The following CCDC154 variants were observed in gnomAD, a reference collection of about 807,000 sequenced individuals.
The protein encoded by CCDC154 is coiled-coil domain containing 154, also known as coiled-coil domain-containing protein 154.
A neutral mutation model predicts 87.5 loss-of-function variants in CCDC154; 91 were observed. The ratio of observed to expected loss-of-function variants is 1.04; its 90% CI spans 0.88 to 1.24. The LOEUF (loss-of-function observed/expected upper bound fraction) is 1.24. CCDC154 is among the 50% of genes most tolerant of loss of function. The pLI is 0.00. For missense variants in CCDC154, 903 were observed against 879.2 expected (o/e 1.03, Z -0.34); for synonymous variants, 418 against 400.4 (o/e 1.04, Z -0.52).
At position 1,434,751 on chromosome 16, in the gene CCDC154, C is replaced by T. The variant is rs747067102; in HGVS notation, c.1794G>A (p.Leu598=). The T allele has an allele frequency of 6.9e-5, 107 of 1,545,682 alleles. 1 individual carries two copies. The South Asian group carries it at 1.2e-3, about 18-fold the overall frequency. The change falls in exon 16 of 17, where the codon CTG becomes CTA. Residue 598 remains leucine, a synonymous_variant. Coordinates refer to ENST00000389176, the MANE Select transcript of CCDC154 (RefSeq NM_001143980.3). ...CCTTGATGAAGACCCGCGGCCTCAC[C>T]AGGGATGGGAGCGCCTTCCAGCTGC... ...PLGSWKALPS[L]VRPRVFIKDM...
In CCDC154 at chr16:1,438,574, AG is replaced by A. The variant is rs764437209; in HGVS notation, c.1025+44del. 16 of 1,508,020 alleles carry A rather than the reference AG, an allele frequency of 1.1e-5. No homozygotes were observed. In the African/African-American group the frequency reaches 1.7e-4, roughly 16 times the overall value. 93.4% of individuals were successfully genotyped at this position (1,508,020 alleles called of 1,614,324 possible). The stretch of plus-strand genomic sequence containing the variant: ...GCGGCCCCCTCCTGAGTGGGACATC[AG>A]GGGTCCCCCCGCCTGACAGCACCTG... On this transcript the variant is annotated intron_variant, in intron 9 of 16. Coordinates refer to ENST00000389176, the MANE Select transcript of CCDC154 (RefSeq NM_001143980.3).
intron 14 of CCDC154, 35 bp downstream of exon 14, chr16:1,435,934 C>T: frequency 6.6e-7 from 1 of 1,517,546 alleles, no homozygotes; most frequent in South Asian, 1.2e-5. Flanking sequence ...GGCTCCCCCT[C>T]TCTCCCAGCT....
At position 1,434,823 on chromosome 16, in the gene CCDC154, C is replaced by G; in HGVS notation, c.1722G>C (p.Glu574Asp). The change falls in exon 16 of 17, where the codon GAG becomes GAC. Residue 574 changes from glutamate to aspartate, a missense_variant. Physicochemically the swap from Glu to Asp is conservative, Grantham distance 45. Transcript: ENST00000389176. ...LRTQEMATLW[E>D]SVLRLWSEEG... The stretch of plus-strand genomic sequence containing the variant: ...CCTCACTCCACAGCCGGAGCACACT[C>G]TCCCACAGGGTGGCCATCTCCTGCG... The G allele has an allele frequency of 6.5e-7, 1 of 1,529,732 alleles. No homozygotes were observed. Among genetic ancestry groups the G allele is most frequent in the Non-Finnish European group, 8.8e-7 (1 of 1,141,316 alleles). 94.8% of individuals were successfully genotyped at this position (1,529,732 alleles called of 1,614,324 possible).
intron 6 of CCDC154, among the ~76,000 whole-genome samples, chr16:1,440,510 G>A (rs933070170): frequency 1.3e-5 from 2 of 151,336 alleles, no homozygotes; most frequent in Admixed American, 6.6e-5. Context: ...GAAGAGAAGA[G>A]AAGAGAAGAG....
At position 1,443,993 on chromosome 16, in the gene CCDC154, G is replaced by C; in HGVS notation, c.27C>G (p.Pro9=). The C allele has an allele frequency of 2.3e-6, 3 of 1,300,994 alleles. No individual in the cohort carries two copies. Among genetic ancestry groups the C allele is most frequent in the Non-Finnish European group, 3.0e-6 (3 of 988,922 alleles). The allele number at this position is 1,300,994 out of a possible 1,614,324, so 80.6% of individuals were successfully genotyped here. The change falls in exon 2 of 17, where the codon CCC becomes CCG. Residue 9 remains proline (P), a synonymous_variant. Coordinates refer to ENST00000389176, the MANE Select transcript of CCDC154 (RefSeq NM_001143980.3). The stretch of plus-strand genomic sequence containing the variant: ...GCTGGGAAGGGGCCGATGCCCCTGA[G>C]GGTCCACTGTCAGCCAACTCTACAA... The part of the protein sequence containing the change: MSELADSG[P]SGASAPSQLR...
chr16:1,442,242 T>C (rs1460937151), intron 6 of CCDC154, among the ~76,000 whole-genome samples, 164 bp downstream of exon 6: 6 of 152,248 alleles, frequency 3.9e-5, no homozygotes, highest in Non-Finnish European at 8.8e-5. Context: ...ATGGGGCATG[T>C]GCGGCTGAGG....
In CCDC154 at chr16:1,443,508, C is replaced by T. The variant is rs1213511156; in HGVS notation, c.412G>A (p.Glu138Lys). Residue 138 changes from glutamate (E) to lysine (K), a missense_variant and splice_region_variant, in exon 3 of 17, where the codon GAG becomes AAG. By Grantham distance (56) the Glu-to-Lys change is moderately conservative (BLOSUM62 1). Transcript: ENST00000389176. ...CTGTGGGTGGGGGAGCCGCTCACCT[C>T]CGGCGCCTCCTTTTCGGGGGCCTGG... The part of the protein sequence containing the change: ...AAQAPEKEAP[E>K]FSGLQNQMQA... 6.8e-7 allele frequency: 1 copy of T among 1,469,768 alleles called. No homozygotes were observed. The highest frequency in any genetic ancestry group is 2.5e-5 in the East Asian group (1 of 39,712). 91.0% of individuals were successfully genotyped at this position (1,469,768 alleles called of 1,614,324 possible). A position where few individuals can be genotyped will look rare whatever the true frequency, so the allele number is the denominator to read the frequency against.
chr16:1,442,868 G>A lies in CCDC154; in HGVS notation c.551+12C>T. On this transcript the variant is annotated intron_variant, in intron 5 of 16. Transcript: ENST00000389176. ...CAAGCTCCGGAGCCAGCCACGGGCGGTGGGCGCCCACCTGAGGCCGGCCTC... is the reference window on the plus strand; with the variant it reads ...CAAGCTCCGGAGCCAGCCACGGGCGATGGGCGCCCACCTGAGGCCGGCCTC... 1 of 1,547,260 alleles carries A rather than the reference G, an allele frequency of 6.5e-7. No homozygotes were observed. The highest frequency in any genetic ancestry group is 8.7e-7 in the Non-Finnish European group (1 of 1,145,738).
At position 1,434,491 on chromosome 16, in the gene CCDC154, G is replaced by C. The variant is rs983130362; in HGVS notation, c.1921C>G (p.Arg641Gly). The C allele has an allele frequency of 3.2e-6, 5 of 1,549,564 alleles. No individual in the cohort carries two copies. In the East Asian group the frequency reaches 9.8e-5, roughly 30 times the overall value. ...KASLIKLRAL[R>G]RPGGVLEKPH... The stretch of plus-strand genomic sequence containing the variant: ...TTCTCCAGGACCCCTCCTGGCCTCC[G>C]CAGGGCCCTGAGCTTTATGAGGGAC... Residue 641 changes from arginine (R) to glycine (G), a missense_variant, in exon 17 of 17, where the codon CGG becomes GGG. Arg to Gly is a moderately radical substitution (Grantham distance 125). Transcript: ENST00000389176.
Position 1,436,717 on chromosome 16 carries a change from T to C in CCDC154, c.1385A>G (p.Glu462Gly), listed in dbSNP as rs2142351291. 6.5e-7 allele frequency: 1 copy of C among 1,550,300 alleles called. No individual in the cohort carries two copies. Among genetic ancestry groups the C allele is most frequent in the Non-Finnish European group, 8.7e-7 (1 of 1,146,938 alleles). ...EVTEHLRGVREKVDGLPQQIE... is the reference protein window; with the variant it reads ...EVTEHLRGVRGKVDGLPQQIE... ...CTGCTGGGGGAGGCCATCCACCTTC[T>C]CCCGCACCCCTCGCAGGTGTTCGGT... Residue 462 changes from glutamate (E) to glycine (G), a missense_variant, in exon 12 of 17, where the codon GAG (glutamate) becomes GGG (glycine). Glu to Gly is a moderately conservative substitution (Grantham distance 98). Coordinates refer to ENST00000389176, the MANE Select transcript of CCDC154 (RefSeq NM_001143980.3).
At position 1,439,141 on chromosome 16, in the gene CCDC154, C is replaced by T; in HGVS notation, c.676-15G>A. 2 of 1,548,606 alleles carry T rather than the reference C, an allele frequency of 1.3e-6. No homozygotes were observed. The highest frequency in any genetic ancestry group is 1.7e-6 in the Non-Finnish European group (2 of 1,145,826). On this transcript the variant is annotated splice_polypyrimidine_tract_variant and intron_variant, in intron 6 of 16. Transcript: ENST00000389176. The stretch of plus-strand genomic sequence containing the variant: ...GTCACCTGGGCCTGGGGCGGAGGCA[C>T]ATTGTCCCGTGTGCAGCCTCTGCTG...
intron 11 of CCDC154, chr16:1,437,086 C>T (rs2038508775): frequency 4.1e-6 from 2 of 483,998 alleles, no homozygotes; most frequent in Non-Finnish European, 7.4e-6. Context: ...CGGTGGGACC[C>T]AGCCCCGAAA....
At chr16:1,440,702 G>A (rs976193405) in intron 6 of CCDC154, among the ~76,000 whole-genome samples, 2 of 150,920 alleles carry the variant, frequency 1.3e-5, no homozygotes, top group African/African-American at 2.4e-5. Context: ...TGTAATCCCA[G>A]CACTTTGGGA....
chr16:1,436,563 A>G lies in CCDC154; in HGVS notation c.1411-42T>C, dbSNP rs774936760. On this transcript the variant is annotated intron_variant, in intron 12 of 16. Coordinates refer to ENST00000389176, the MANE Select transcript of CCDC154 (RefSeq NM_001143980.3). ...GAGCGGCGGGCAGCCCCAGGGCGCC[A>G]TCTAGGACCAGCCTTGGCCTCGACC... is the stretch of plus-strand genomic sequence containing the variant. 4 of 1,546,040 alleles carry G rather than the reference A, an allele frequency of 2.6e-6. No homozygotes were observed. The South Asian group carries it at 4.8e-5, about 18-fold the overall frequency.
rs1031151070 is a variant in CCDC154 at position 1,443,634 on chromosome 16, C to T, written c.286G>A (p.Ala96Thr). The change falls in exon 3 of 17, where the codon GCC becomes ACC. Residue 96 changes from alanine (A) to threonine (T), a missense_variant. Transcript: ENST00000389176. The stretch of plus-strand genomic sequence containing the variant: ...AGCTCCCGCAGCAGGCTCCGCGTGG[C>T]GCGCTCACAGCGCTGCTTGTGCTCC... ...LREHKQRCER[A>T]TRSLLRELLQ... 9 of 1,371,736 alleles carry T rather than the reference C, an allele frequency of 6.6e-6. No individual in the cohort carries two copies. The highest frequency in any genetic ancestry group is 2.4e-4 in the Middle Eastern group (1 of 4,092). The allele number at this position is 1,371,736 out of a possible 1,614,324, so 85.0% of individuals were successfully genotyped here.
chr16:1,437,821 G>C lies in CCDC154; in HGVS notation c.1286C>G (p.Ser429Cys). Reference sequence around the variant, plus strand: ...CCCGCCCGCTGCCTGGCGCACCTCGGACAGCCTGAGGCCCAGCATCTGCTC... The same window carrying C: ...CCCGCCCGCTGCCTGGCGCACCTCGCACAGCCTGAGGCCCAGCATCTGCTC... ...LQEQMLGLRLSEAKTEWEGAE... is the reference protein window; with the variant it reads ...LQEQMLGLRLCEAKTEWEGAE... Residue 429 changes from serine to cysteine, a missense_variant, in exon 11 of 17, where the codon TCC becomes TGC. By Grantham distance (112) the Ser-to-Cys change is moderately radical. Transcript: ENST00000389176. The C allele has an allele frequency of 6.5e-7, 1 of 1,529,944 alleles. No homozygotes were observed. The highest frequency in any genetic ancestry group is 8.8e-7 in the Non-Finnish European group (1 of 1,140,888). The allele number at this position is 1,529,944 out of a possible 1,614,324, so 94.8% of individuals were successfully genotyped here. A position where few individuals can be genotyped will look rare whatever the true frequency, so the allele number is the denominator to read the frequency against.
Position 1,439,068 on chromosome 16 carries a change from T to A in CCDC154, c.734A>T (p.Lys245Met). 1 of 1,550,260 alleles carries A rather than the reference T, an allele frequency of 6.5e-7. No homozygotes were observed. Among genetic ancestry groups the A allele is most frequent in the Non-Finnish European group, 8.7e-7 (1 of 1,146,898 alleles). ...VSLRFLKREA[K>M]LCGFLQKSFL... is the part of the protein sequence containing the mutation. ...GCTCTTCTGCAGGAAGCCGCACAGCTTGGCCTCCCTCTTCAGGAAGCGCAG... is the reference window on the plus strand; with the variant it reads ...GCTCTTCTGCAGGAAGCCGCACAGCATGGCCTCCCTCTTCAGGAAGCGCAG... Residue 245 changes from lysine (K) to methionine (M), a missense_variant, in exon 7 of 17, where the codon AAG (lysine) becomes ATG (methionine). Lys to Met is a moderately conservative substitution (Grantham distance 95). Transcript: ENST00000389176.
In CCDC154 at chr16:1,436,698, G is replaced by A; in HGVS notation, c.1404C>T (p.Pro468=). Residue 468 remains proline (P), a synonymous_variant, in exon 12 of 17, where the codon CCC becomes CCT. Transcript: ENST00000389176. ...TGGCTGTGCCTTCGCCCACCTGCTG[G>A]GGGAGGCCATCCACCTTCTCCCGCA... ...RGVREKVDGL[P]QQIESVSDKC... is the part of the protein sequence containing the mutation. 1.3e-6 allele frequency: 2 copies of A among 1,550,166 alleles called. No homozygotes were observed. The highest frequency in any genetic ancestry group is 1.4e-5 in the African/African-American group (1 of 73,160).
chr16:1,437,319 C>A (rs1281966658), intron 11 of CCDC154: 1 of 177,672 alleles, frequency 5.6e-6, no homozygotes, highest in Non-Finnish European at 1.2e-5. Context: ...CAGGCAGCCC[C>A]CGAGACAGGG....
Sources: allele counts gnomAD v4.1 joint callset (sites outside exome capture counted in the v4.1 genomes callset), GRCh38; gene constraint gnomAD v4.1.1; transcripts MANE v1.5; gene names NCBI Gene and HGNC (gene_info 2026-07-23, HGNC 2026-07-21).